CRYAB: variants seen among roughly 807,000 people sequenced by gnomAD.
CRYAB encodes crystallin alpha B.
A neutral mutation model predicts 12.7 loss-of-function variants in CRYAB; 9 were observed. The ratio of observed to expected loss-of-function variants is 0.71; its 90% CI spans 0.43 to 1.24. The LOEUF (loss-of-function observed/expected upper bound fraction) is 1.24. Among genes scored for constraint, CRYAB ranks in the 50% most tolerant of loss-of-function variants. The pLI, the probability that CRYAB is intolerant of heterozygous loss-of-function variation, is 0.00. For synonymous variants in CRYAB, 93 were observed against 86.8 expected (o/e 1.07, Z -0.40); for missense variants, 183 against 226.6 (o/e 0.81, Z 1.24).
upstream of CRYAB, chr11:111,914,004 A>G (rs909168506): frequency 7.5e-6 from 7 of 936,708 alleles, no homozygotes; most frequent in Non-Finnish European, 1.1e-5. Flanking sequence ...GGAAAGGTGC[A>G]TGGTCCACAA....
At chr11:111,914,113 A>T, upstream of CRYAB, 2 of 502,506 alleles carry the variant, frequency 4.0e-6, no homozygotes, top group Non-Finnish European at 7.0e-6. Flanking sequence ...ACTGCTCCCT[A>T]TTCTGTGGCC....
chr11:111,920,052 G>A (rs999578750), intron 1 of CRYAB, among the ~76,000 whole-genome samples: 5 of 151,830 alleles, frequency 3.3e-5, no homozygotes, highest in African/African-American at 1.2e-4. Context: ...AAAATTAGCC[G>A]GGCGTGGTGG....
upstream of CRYAB, among the ~76,000 whole-genome samples, chr11:111,916,567 C>T (rs1965600869): frequency 6.6e-6 from 1 of 152,230 alleles, no homozygotes; most frequent in Non-Finnish European, 1.5e-5. Context: ...TTCCACATCA[C>T]ATATTACCCA....
upstream of CRYAB, among the ~76,000 whole-genome samples, chr11:111,915,763 G>C (rs868995074): frequency 1.3e-5 from 2 of 152,112 alleles, 1 homozygote; most frequent in Middle Eastern, 6.8e-3. Flanking sequence ...TTCTTTTTTA[G>C]ACAGGGTCTT....
chr11:111,912,900 T>TG, upstream of CRYAB: 1 of 1,608,360 alleles, frequency 6.2e-7, no homozygotes, highest in Non-Finnish European at 8.5e-7. Flanking sequence ...CCGAGCCGCC[T>TG]GGGTGAGCAG....
chr11:111,919,264 G>A, intron 1 of CRYAB: 2 of 488,688 alleles, frequency 4.1e-6, no homozygotes, highest in South Asian at 2.4e-5. Flanking sequence ...CACGAGGTCA[G>A]TAGATCGAGA....
At chr11:111,921,942 C>A (rs1422171397) in intron 1 of CRYAB, among the ~76,000 whole-genome samples, 2 of 152,136 alleles carry the variant, frequency 1.3e-5, no homozygotes, top group African/African-American at 4.8e-5. Flanking sequence ...AAGCGATTCT[C>A]ATGCCTCAGT....
At chr11:111,913,551 CTCAG>C (rs1566414749), upstream of CRYAB, 1 of 1,614,188 alleles carries the variant, frequency 6.2e-7, no homozygotes, top group Non-Finnish European at 8.5e-7. Context: ...CGAGCTTAGG[CTCAG>C]TGAGGGCAAG....
chr11:111,914,731 A>T (rs1555166023), upstream of CRYAB, among the ~76,000 whole-genome samples: 1 of 152,128 alleles, frequency 6.6e-6, no homozygotes, highest in Non-Finnish European at 1.5e-5. Context: ...CCTGCCTCCA[A>T]ATACATATTT....
At chr11:111,918,560 G>A (rs1965632648) in intron 1 of CRYAB, 6 of 500,760 alleles carry the variant, frequency 1.2e-5, no homozygotes, top group African/African-American at 3.8e-5. Flanking sequence ...AAACCTGAGT[G>A]GTGCTGAGCA....
rs1334674429 is a variant in CRYAB, at chr11:111,911,647, C to T, written c.78G>A (p.Gln26=). The T allele has an allele frequency of 6.2e-7, 1 of 1,611,240 alleles. No individual in the cohort carries two copies. Among genetic ancestry groups the T allele is most frequent in the Non-Finnish European group, 8.5e-7 (1 of 1,178,920 alleles). The change falls in exon 1 of 3, where the codon CAG becomes CAA. Residue 26 remains glutamine, a synonymous_variant. Transcript: ENST00000650687. ...PFHSPSRLFD[Q]FFGEHLLESD... is the part of the protein sequence containing the mutation. ...ACTCCAACAGGTGCTCTCCGAAGAACTGGTCAAAGAGGCGGCTGGGGGAGT... is the reference window on the plus strand; with the variant it reads ...ACTCCAACAGGTGCTCTCCGAAGAATTGGTCAAAGAGGCGGCTGGGGGAGT...
At chr11:111,917,635 C>T (rs1965617247), upstream of CRYAB, among the ~76,000 whole-genome samples, 1 of 147,760 alleles carries the variant, frequency 6.8e-6, no homozygotes, top group Admixed American at 6.8e-5. Context: ...AGACCCCCAT[C>T]TCACATTAAT....
At chr11:111,914,942 G>C (rs1290335096), upstream of CRYAB, among the ~76,000 whole-genome samples, 1 of 152,142 alleles carries the variant, frequency 6.6e-6, no homozygotes, top group African/African-American at 2.4e-5. Context: ...AGGCATGGTG[G>C]TGCATGCCTG....
At position 111,911,756 on chromosome 11, in the gene CRYAB, C is replaced by T. The variant is rs1965470416; in HGVS notation, c.-32G>A. On this transcript the variant is annotated 5_prime_UTR_variant, in exon 1 of 3. Transcript: ENST00000650687. ...TAGGTGAGTGTGAGGGGTCAGCTGG[C>T]TGGTCAGCTCCTTCAGCTGCAGCTA... 2.7e-6 allele frequency: 4 copies of T among 1,474,734 alleles called. No homozygotes were observed. The South Asian group carries it at 3.6e-5, about 13-fold the overall frequency. 91.4% of individuals were successfully genotyped at this position (1,474,734 alleles called of 1,614,324 possible).
chr11:111,909,021 C>T (rs1463556831), intron 2 of CRYAB, 54 bp from the exon 3 acceptor site: 1 of 1,586,740 alleles, frequency 6.3e-7, no homozygotes, highest in African/African-American at 1.3e-5. Flanking sequence ...GAACTATTAT[C>T]ACCTGCCCAG....
chr11:111,919,786 G>A (rs1965659490), intron 1 of CRYAB, among the ~76,000 whole-genome samples: 1 of 152,232 alleles, frequency 6.6e-6, no homozygotes, highest in Non-Finnish European at 1.5e-5. Context: ...TGGCTGGTAA[G>A]CAAGTAAACC....
upstream of CRYAB, chr11:111,913,428 C>G: frequency 6.3e-7 from 1 of 1,593,402 alleles, no homozygotes; most frequent in Non-Finnish European, 8.5e-7. Context: ...CTTGCCTTCT[C>G]TCTGCCCTTT....
At chr11:111,917,831 C>A (rs980368733), upstream of CRYAB, among the ~76,000 whole-genome samples, 1 of 151,748 alleles carries the variant, frequency 6.6e-6, no homozygotes, top group Non-Finnish European at 1.5e-5. Flanking sequence ...AGATTGAGAC[C>A]CTGTCTTTAA....
chr11:111,910,087 C>A, intron 2 of CRYAB: 1 of 662,358 alleles, frequency 1.5e-6, no homozygotes, highest in South Asian at 1.7e-5. Context: ...AATGGGGCAT[C>A]AGCATCCCAT....
Sources: gnomAD v4.1 joint callset for allele counts (sites outside exome capture counted in the v4.1 genomes callset) on GRCh38, gnomAD v4.1.1 for gene constraint, MANE v1.5 for transcripts, NCBI Gene and HGNC (gene_info 2026-07-23, HGNC 2026-07-21) for gene names.